Variants in MTSS1 observed in about 807,000 individuals in gnomAD.
The protein encoded by MTSS1 is MTSS I-BAR domain containing 1.
A neutral mutation model predicts 79.0 loss-of-function variants in MTSS1; 18 were observed. That is an observed-to-expected ratio of 0.23 (90% CI 0.16 to 0.34). MTSS1 has a LOEUF of 0.34. Ranked by LOEUF, MTSS1 falls within the 10% of genes least tolerant of loss-of-function variation. The pLI is 1.00. For missense variants in MTSS1, 815 were observed against 986.2 expected, an observed-to-expected ratio of 0.83 and a Z score of 2.33; for synonymous variants, 341 against 368.6, an observed-to-expected ratio of 0.93 and a Z score of 0.86.
At chr8:124,717,913 C>T (rs1587976205) in intron 1 of MTSS1, among the ~76,000 whole-genome samples, 2 of 152,256 alleles carry the variant, frequency 1.3e-5, no homozygotes, top group South Asian at 4.1e-4. Context: ...CTAGTAGCTT[C>T]TCAAGTATGT....
intron 5 of MTSS1, among the ~76,000 whole-genome samples, chr8:124,587,081 A>G (rs1320202718): frequency 6.6e-6 from 1 of 152,188 alleles, no homozygotes; most frequent in African/African-American, 2.4e-5. Context: ...TGGGGCCCAA[A>G]AGGCCTCAGA....
At chr8:124,665,090 A>G (rs1352980561) in intron 3 of MTSS1, among the ~76,000 whole-genome samples, 1 of 152,106 alleles carries the variant, frequency 6.6e-6, no homozygotes, top group African/African-American at 2.4e-5. Flanking sequence ...CTAAGCTTGG[A>G]GAGGGTAAGT....
intron 1 of MTSS1, among the ~76,000 whole-genome samples, chr8:124,709,177 C>T (rs776637611): frequency 1.3e-5 from 2 of 152,056 alleles, no homozygotes; most frequent in Non-Finnish European, 2.9e-5. Flanking sequence ...TAAAGGAGAC[C>T]ATACTCAAGT....
At chr8:124,570,046 T>C (rs947330031) in intron 6 of MTSS1, among the ~76,000 whole-genome samples, 2 of 152,196 alleles carry the variant, frequency 1.3e-5, no homozygotes, top group African/African-American at 4.8e-5. Flanking sequence ...TGTAGGAACA[T>C]ATTCTGTATT....
At chr8:124,702,929 A>G (rs921628287) in intron 2 of MTSS1, among the ~76,000 whole-genome samples, 3 of 152,232 alleles carry the variant, frequency 2.0e-5, no homozygotes, top group Non-Finnish European at 4.4e-5. Flanking sequence ...CGTATTTTCT[A>G]TTTCATATCA....
chr8:124,632,338 C>T (rs1816149133), intron 3 of MTSS1, among the ~76,000 whole-genome samples: 1 of 144,248 alleles, frequency 6.9e-6, no homozygotes, highest in Admixed American at 6.8e-5. Flanking sequence ...TTTATTAACA[C>T]ATACATAGGT....
intron 6 of MTSS1, among the ~76,000 whole-genome samples, chr8:124,572,961 G>A (rs1335509973): frequency 6.6e-6 from 1 of 152,038 alleles, no homozygotes; most frequent in East Asian, 1.9e-4. Flanking sequence ...TGGCCAGGCT[G>A]GTCTTGAACC....
rs1327050181 is a variant in MTSS1, at chr8:124,556,052, C to T, written c.1405-148G>A. On this transcript the variant is annotated intron_variant, in intron 12 of 13. Coordinates refer to ENST00000518547, the MANE Select transcript of MTSS1 (RefSeq NM_014751.6). Reference sequence around the variant, plus strand: ...CCACTCTGACCCTAGAAAGTTCTGCCTCTCTCATTCCCACACAAGGTTTTT... The same window carrying T: ...CCACTCTGACCCTAGAAAGTTCTGCTTCTCTCATTCCCACACAAGGTTTTT... 2.6e-6 allele frequency: 4 copies of T among 1,540,788 alleles called. No individual in the cohort carries two copies. The East Asian group carries it at 9.7e-5, about 38-fold the overall frequency.
At chr8:124,558,668 G>T (rs1466558648) in intron 10 of MTSS1, 1 of 1,495,810 alleles carries the variant, frequency 6.7e-7, no homozygotes, top group East Asian at 2.5e-5. Flanking sequence ...CAGGCAGGGG[G>T]ACCAGGGAGA....
chr8:124,727,149 A>G lies in MTSS1; in HGVS notation c.72+735T>C, dbSNP rs565801755. ...ACACCATCTTCACAACCCTTCCAAG[A>G]GAAAACCTAGAGTGTGTGTCCGTTT... On this transcript the variant is annotated intron_variant, in intron 1 of 13. Coordinates refer to ENST00000518547, the MANE Select transcript of MTSS1 (RefSeq NM_014751.6). This position sits in a 1 kb window ranked among gnomAD's most constrained non-coding sequence, Gnocchi z 4.7. 6.6e-6 allele frequency among the ~76,000 whole-genome samples: 1 copy of G among 152,188 alleles called. No individual in the cohort carries two copies. Among genetic ancestry groups the G allele is most frequent in the African/African-American group, 2.4e-5 (1 of 41,548 alleles).
At chr8:124,608,021 T>C (rs1167366109) in intron 3 of MTSS1, among the ~76,000 whole-genome samples, 1 of 152,080 alleles carries the variant, frequency 6.6e-6, no homozygotes, top group Non-Finnish European at 1.5e-5. Flanking sequence ...AAAATGTGTA[T>C]TCCCAAAACA....
chr8:124,660,432 G>A (rs983723348), intron 3 of MTSS1, among the ~76,000 whole-genome samples: 2 of 140,706 alleles, frequency 1.4e-5, no homozygotes, highest in Admixed American at 7.1e-5. Flanking sequence ...CCATGCGCAT[G>A]CACACACACA....
chr8:124,566,578 G>A (rs1191779793), intron 8 of MTSS1, among the ~76,000 whole-genome samples: 1 of 152,194 alleles, frequency 6.6e-6, no homozygotes, highest in Non-Finnish European at 1.5e-5. Context: ...TTTTTCATAA[G>A]ATGAGAGAGC....
intron 12 of MTSS1, 29 bp from the exon 13 acceptor site, chr8:124,555,933 G>A (rs772176514): frequency 1.3e-6 from 2 of 1,570,422 alleles, no homozygotes; most frequent in Admixed American, 1.8e-5. Context: ...AAATACACAG[G>A]TTGCTTTAGG....
intron 3 of MTSS1, among the ~76,000 whole-genome samples, chr8:124,606,337 C>T (rs1348645453): frequency 2.0e-5 from 3 of 151,848 alleles, no homozygotes; most frequent in East Asian, 3.9e-4. Context: ...TTAGTAGAGA[C>T]GGGGTTTCAC....
chr8:124,698,674 G>A (rs1361313591), intron 3 of MTSS1, among the ~76,000 whole-genome samples: 1 of 151,870 alleles, frequency 6.6e-6, no homozygotes, highest in African/African-American at 2.4e-5. Flanking sequence ...ACCACGCCTG[G>A]CTAATTTTTG....
intron 11 of MTSS1, 57 bp from the exon 12 acceptor site, chr8:124,556,462 G>C: frequency 6.5e-7 from 1 of 1,536,720 alleles, no homozygotes; most frequent in Admixed American, 2.0e-5. Flanking sequence ...GGAGGGCTGC[G>C]GGGACCCCAT....
chr8:124,633,424 G>C lies in MTSS1; in HGVS notation c.209-42189C>G, dbSNP rs1816384303. ...TCACTTGCCTTAGTCTTGGGCCTTAGCTCTGACTCTTATTCCTAAAAGGAA... is the reference window on the plus strand; with the variant it reads ...TCACTTGCCTTAGTCTTGGGCCTTACCTCTGACTCTTATTCCTAAAAGGAA... On this transcript the variant is annotated intron_variant, in intron 3 of 13. Transcript: ENST00000518547. Among the ~76,000 whole-genome samples the C allele has an allele frequency of 7.9e-5, 12 of 152,234 alleles. No individual in the cohort carries two copies. In the South Asian group the frequency reaches 2.5e-3, roughly 32 times the overall value.
chr8:124,635,584 T>G (rs7011616), intron 3 of MTSS1, among the ~76,000 whole-genome samples: 2,995 of 152,270 alleles, frequency 0.02, 103 homozygotes, highest in African/African-American at 0.067. Context: ...TTATCACTCT[T>G]GGTCTATTCT....
Sources: allele counts gnomAD v4.1 joint callset (sites outside exome capture counted in the v4.1 genomes callset), GRCh38; gene constraint gnomAD v4.1.1; non-coding constraint Gnocchi (gnomAD v3.1); transcripts MANE v1.5; gene names NCBI Gene and HGNC (gene_info 2026-07-23, HGNC 2026-07-21).